PTGS1: variants seen among roughly 807,000 people sequenced by gnomAD.
The protein encoded by PTGS1 is prostaglandin-endoperoxide synthase 1.
PTGS1 carries 40 observed loss-of-function variants against 63.0 expected under a neutral mutation model. The ratio of observed to expected loss-of-function variants is 0.63; its 90% CI spans 0.49 to 0.83. The LOEUF (loss-of-function observed/expected upper bound fraction) is 0.83, where lower values mean the gene tolerates loss of function less well. Among genes scored for constraint, PTGS1 ranks in the 40% least tolerant of loss-of-function variants. The pLI is 0.00. For missense variants in PTGS1, 709 were observed against 786.5 expected (o/e 0.90, Z 1.18); for synonymous variants, 298 against 301.9 (o/e 0.99, Z 0.13).
At chr9:122,391,022 C>T (rs575766050) in intron 10 of PTGS1, among the ~76,000 whole-genome samples, 26 of 152,050 alleles carry the variant, frequency 1.7e-4, no homozygotes, top group African/African-American at 4.3e-4. Flanking sequence ...GGGGCCAAAC[C>T]GTGTAGAATC....
In PTGS1 at chr9:122,392,359, T is replaced by G. The variant is rs202195652; in HGVS notation, c.1615T>G (p.Cys539Gly). Residue 539 changes from cysteine (C) to glycine (G), a missense_variant, in exon 11 of 11, where the codon TGT (cysteine) becomes GGT (glycine). Coordinates refer to ENST00000362012, the MANE Select transcript of PTGS1 (RefSeq NM_000962.4). Reference sequence around the variant, plus strand: ...CAAGGGTCTCCTAGGGAATCCCATCTGTTCTCCGGAGTACTGGAAGCCGAG... The same window carrying G: ...CAAGGGTCTCCTAGGGAATCCCATCGGTTCTCCGGAGTACTGGAAGCCGAG... ...SLKGLLGNPI[C>G]SPEYWKPSTF... 6.2e-7 allele frequency: 1 copy of G among 1,614,208 alleles called. No homozygotes were observed. The highest frequency in any genetic ancestry group is 1.1e-5 in the South Asian group (1 of 91,076).
chr9:122,376,261 C>A (rs914242816), intron 2 of PTGS1, among the ~76,000 whole-genome samples: 1 of 152,114 alleles, frequency 6.6e-6, no homozygotes, highest in Non-Finnish European at 1.5e-5. Context: ...CTCCCTCCTA[C>A]ACCCCTGCTG....
At chr9:122,380,081 G>C (rs7022768) in intron 5 of PTGS1, among the ~76,000 whole-genome samples, 5,827 of 152,184 alleles carry the variant, frequency 0.038, 337 homozygotes, top group African/African-American at 0.13. Context: ...AAAATAGGTT[G>C]ACACACCTAT....
At chr9:122,379,937 A>G (rs1433337819) in intron 5 of PTGS1, among the ~76,000 whole-genome samples, 2 of 152,302 alleles carry the variant, frequency 1.3e-5, no homozygotes, top group East Asian at 3.9e-4. Flanking sequence ...CAGAACTCAA[A>G]AAATTCTATT....
intron 9 of PTGS1, 74 bp from the exon 10 acceptor site, chr9:122,390,124 T>C (rs1372651750): frequency 9.8e-6 from 15 of 1,535,600 alleles, no homozygotes; most frequent in Non-Finnish European, 8.8e-7. Flanking sequence ...GAAGCTCTTG[T>C]CCCAGGAACT....
chr9:122,380,308 T>A (rs1025939824), intron 5 of PTGS1, among the ~76,000 whole-genome samples: 11 of 151,816 alleles, frequency 7.2e-5, no homozygotes, highest in Non-Finnish European at 1.6e-4. Context: ...TACAAAAGAA[T>A]ACAAAAGTTA....
chr9:122,383,905 T>A (rs1415692490), intron 8 of PTGS1, 150 bp downstream of exon 8: 10 of 1,055,350 alleles, frequency 9.5e-6, no homozygotes, highest in Non-Finnish European at 1.2e-5. Context: ...CCCCTCAACC[T>A]CTGTGAGCCT....
intron 8 of PTGS1, among the ~76,000 whole-genome samples, chr9:122,384,063 T>C (rs1163926122): frequency 2.0e-5 from 3 of 152,116 alleles, no homozygotes; most frequent in Non-Finnish European, 4.4e-5. Context: ...GCACATTTGA[T>C]TAGCCACCCT....
chr9:122,371,578 G>A (rs1251053004), intron 2 of PTGS1: 2 of 1,429,324 alleles, frequency 1.4e-6, no homozygotes, highest in South Asian at 1.5e-5. Context: ...TGTCTAAGCA[G>A]CCTCTGCACC....
rs1330375990 is a variant in PTGS1 at position 122,392,447 on chromosome 9, G to A, written c.1703G>A (p.Cys568Tyr). 1 of 1,614,060 alleles carries A rather than the reference G, an allele frequency of 6.2e-7. No individual in the cohort carries two copies. ...VKTATLKKLV[C>Y]LNTKTCPYVS... ...ACGGCCACACTGAAGAAGCTGGTCTGCCTCAACACCAAGACCTGTCCCTAC... is the reference window on the plus strand; with the variant it reads ...ACGGCCACACTGAAGAAGCTGGTCTACCTCAACACCAAGACCTGTCCCTAC... The change falls in exon 11 of 11, where the codon TGC (cysteine) becomes TAC (tyrosine). Residue 568 changes from cysteine (C) to tyrosine (Y), a missense_variant. Cys to Tyr is a radical substitution (Grantham distance 194, BLOSUM62 -2). Transcript: ENST00000362012.
Position 122,392,736 on chromosome 9 carries a change from ACTC to A in PTGS1, c.*195_*197del. The A allele has an allele frequency of 1.8e-6, 1 of 560,032 alleles. No individual in the cohort carries two copies. The highest frequency in any genetic ancestry group is 3.1e-6 in the Non-Finnish European group (1 of 321,738). The allele number at this position is 560,032 out of a possible 1,614,324, so 34.7% of individuals were successfully genotyped here. A position where few individuals can be genotyped will look rare whatever the true frequency, so the allele number is the denominator to read the frequency against. On this transcript the variant is annotated 3_prime_UTR_variant, in exon 11 of 11. Transcript: ENST00000362012. ...TCTGTTTATTCTTCCAGAATGCTGA[ACTC>A]CTTGTTAGCCCTTCAGATTGTTAGG...
chr9:122,381,324 AAG>A, intron 5 of PTGS1, 45 bp from the exon 6 acceptor site: 1 of 1,587,468 alleles, frequency 6.3e-7, no homozygotes, highest in African/African-American at 1.3e-5. Flanking sequence ...CCAGGGCAGC[AAG>A]ATCCAGATAG....
chr9:122,389,958 T>C (rs1296881976), intron 9 of PTGS1, among the ~76,000 whole-genome samples: 1 of 150,460 alleles, frequency 6.6e-6, no homozygotes, highest in Non-Finnish European at 1.5e-5. Context: ...TGAGACAGTG[T>C]CTAAAAAAAA....
Position 122,383,721 on chromosome 9 carries a change from GC to G in PTGS1, c.976del (p.Gln326SerfsTer11), listed in dbSNP as rs768131857. ...CTGAGCACCCCACCTGGGGCGATGAGCAGCTTTTCCAGACGACCCGCCTCAT... is the reference window on the plus strand; with the variant it reads ...CTGAGCACCCCACCTGGGGCGATGAGAGCTTTTCCAGACGACCCGCCTCAT... Reference protein sequence around the residue: ...KAEHPTWGDEQLFQTTRLILI... With the variant: ...KAEHPTWGDEXLFQTTRLILI... On this transcript the variant is annotated frameshift_variant, in exon 8 of 11. Coordinates refer to ENST00000362012, the MANE Select transcript of PTGS1 (RefSeq NM_000962.4). LOFTEE classifies it high-confidence loss of function. The G allele has an allele frequency of 2.5e-6, 4 of 1,613,386 alleles. No individual in the cohort carries two copies. The highest frequency in any genetic ancestry group is 3.4e-6 in the Non-Finnish European group (4 of 1,180,002).
intron 2 of PTGS1, chr9:122,375,461 C>T (rs1837078806): frequency 1.0e-6 from 1 of 985,370 alleles, no homozygotes; most frequent in South Asian, 4.7e-5. Context: ...AATCTCCTCA[C>T]TTCATTTTAT....
intron 2 of PTGS1, among the ~76,000 whole-genome samples, chr9:122,373,506 C>T (rs887418620): frequency 1.3e-5 from 2 of 152,186 alleles, no homozygotes; most frequent in Admixed American, 1.3e-4. Flanking sequence ...GGAGGCAAGG[C>T]TGTGCCGGGG....
intron 8 of PTGS1, among the ~76,000 whole-genome samples, chr9:122,384,819 C>G (rs1427493494): frequency 1.3e-5 from 2 of 152,140 alleles, no homozygotes; most frequent in African/African-American, 2.4e-5. Flanking sequence ...AAGGGATTCC[C>G]CCTCGCGTCT....
At chr9:122,383,322 G>A (rs113155182) in intron 7 of PTGS1, among the ~76,000 whole-genome samples, 187 bp from the exon 8 acceptor site, 2,355 of 151,890 alleles carry the variant, frequency 0.016, 47 homozygotes, top group African/African-American at 0.05. Flanking sequence ...AGATGAGCGG[G>A]GGTTGCTTGA....
chr9:122,388,868 A>AAGT (rs1838035146), intron 9 of PTGS1, among the ~76,000 whole-genome samples: 1 of 152,192 alleles, frequency 6.6e-6, no homozygotes, highest in Non-Finnish European at 1.5e-5. Flanking sequence ...TAACTTGATT[A>AAGT]CTTTTGCAAA....
Sources: gnomAD v4.1 joint callset for allele counts (sites outside exome capture counted in the v4.1 genomes callset) on GRCh38, gnomAD v4.1.1 for gene constraint, MANE v1.5 for transcripts, NCBI Gene and HGNC (gene_info 2026-07-23, HGNC 2026-07-21) for gene names.